FBXO4: variants seen among roughly 807,000 people sequenced by gnomAD.
The protein encoded by FBXO4 is F-box protein 4, also known as F-box only protein 4.
A neutral mutation model predicts 43.7 loss-of-function variants in FBXO4; 36 were observed. The observed-to-expected ratio is 0.82, with a 90% CI of 0.63 to 1.09. The LOEUF is 1.09. Among genes scored for constraint, FBXO4 ranks in the 50% least tolerant of loss-of-function variants. The probability of loss-of-function intolerance (pLI) is 0.00; values close to 1 mark genes in which losing one functional copy is unlikely to be tolerated. For synonymous variants in FBXO4, 180 were observed against 165.6 expected, an observed-to-expected ratio of 1.09 and a Z score of -0.67; for missense variants, 435 against 474.1, an observed-to-expected ratio of 0.92 and a Z score of 0.77.
At chr5:41,947,766 T>C in the FBXO4 span, among the ~76,000 whole-genome samples, 3 of 152,250 alleles carry the variant, frequency 2.0e-5, no homozygotes, top group African/African-American at 4.8e-5. Context: ...TAGTTTAAGG[T>C]ATTGGAGGAT....
the FBXO4 span, among the ~76,000 whole-genome samples, chr5:41,954,185 C>A: frequency 6.6e-6 from 1 of 151,248 alleles, no homozygotes; most frequent in African/African-American, 2.4e-5. Flanking sequence ...GGAAGAAATG[C>A]CTAAATTTAC....
At chr5:41,975,703 A>G in the FBXO4 span, among the ~76,000 whole-genome samples, 1 of 152,210 alleles carries the variant, frequency 6.6e-6, no homozygotes, top group East Asian at 1.9e-4. Context: ...AAAATTTAAC[A>G]TCTTAACCAT....
At chr5:41,954,381 G>A in the FBXO4 span, among the ~76,000 whole-genome samples, 3 of 152,152 alleles carry the variant, frequency 2.0e-5, no homozygotes, top group Non-Finnish European at 4.4e-5. Flanking sequence ...TATTAGGAAT[G>A]TTATGCAATT....
the FBXO4 span, among the ~76,000 whole-genome samples, chr5:42,026,843 T>G: frequency 2.6e-5 from 4 of 151,974 alleles, no homozygotes; most frequent in African/African-American, 9.7e-5. Flanking sequence ...ATATGATATA[T>G]TACACTGATT....
chr5:41,925,946 C>T (rs1404848000), intron 1 of FBXO4, among the ~76,000 whole-genome samples: 1 of 152,156 alleles, frequency 6.6e-6, no homozygotes, highest in Non-Finnish European at 1.5e-5. Flanking sequence ...TTTACCCTCT[C>T]AAGAGGACAT....
the FBXO4 span, among the ~76,000 whole-genome samples, chr5:42,005,866 C>T: frequency 6.6e-6 from 1 of 151,984 alleles, no homozygotes; most frequent in Non-Finnish European, 1.5e-5. Flanking sequence ...TTTTAGATTT[C>T]CTCTTTAAAA....
At chr5:41,997,008 A>G in the FBXO4 span, among the ~76,000 whole-genome samples, 1 of 152,244 alleles carries the variant, frequency 6.6e-6, no homozygotes, top group South Asian at 2.1e-4. Context: ...TTCTCTCTGA[A>G]TAAGATTATG....
At chr5:42,031,764 T>C in the FBXO4 span, among the ~76,000 whole-genome samples, 1 of 152,026 alleles carries the variant, frequency 6.6e-6, no homozygotes, top group Admixed American at 6.6e-5. Context: ...GTGTCTGGCA[T>C]TGAAGAGGTA....
chr5:41,932,087 C>T (rs1751702909), intron 3 of FBXO4, among the ~76,000 whole-genome samples: 1 of 152,120 alleles, frequency 6.6e-6, no homozygotes, highest in South Asian at 2.1e-4. Context: ...AGGAACACCT[C>T]AAGAAGAGGT....
At chr5:41,935,597 A>G (rs1751829118) in intron 5 of FBXO4, among the ~76,000 whole-genome samples, 1 of 152,240 alleles carries the variant, frequency 6.6e-6, no homozygotes, top group Admixed American at 6.5e-5. Context: ...GGAAATTTGC[A>G]GTGGAGACCT....
chr5:41,959,318 G>C, the FBXO4 span, among the ~76,000 whole-genome samples: 3 of 152,070 alleles, frequency 2.0e-5, no homozygotes, highest in African/African-American at 7.2e-5. Flanking sequence ...ATGGTGTTCA[G>C]ATATTTTCTC....
At chr5:42,018,152 A>T in the FBXO4 span, among the ~76,000 whole-genome samples, 13 of 148,778 alleles carry the variant, frequency 8.7e-5, no homozygotes, top group African/African-American at 1.5e-4. Flanking sequence ...TATATATATA[A>T]AATTATATAT....
In FBXO4 at chr5:41,934,639, T is replaced by C. The variant is rs115246773; in HGVS notation, c.898+331T>C. ...AAAGTTTGGTACTAGAGCTATACAA[T>C]ATTTTTTTGCTTTATGCTTCTGCAT... On this transcript the variant is annotated intron_variant, in intron 5 of 6. Transcript: ENST00000281623. 9.3e-4 allele frequency: 1,047 copies of C among 1,130,800 alleles called. 7 individuals carry two copies. In the African/African-American group the frequency reaches 0.016, roughly 17 times the overall value. 70.0% of individuals were successfully genotyped at this position (1,130,800 alleles called of 1,614,324 possible).
At chr5:41,959,970 A>G in the FBXO4 span, among the ~76,000 whole-genome samples, 9 of 151,934 alleles carry the variant, frequency 5.9e-5, no homozygotes, top group Admixed American at 2.0e-4. Flanking sequence ...TTTTAAAAAC[A>G]TTAATTCTTC....
chr5:41,961,581 C>T, the FBXO4 span, among the ~76,000 whole-genome samples: 8 of 152,192 alleles, frequency 5.3e-5, no homozygotes, highest in African/African-American at 1.9e-4. Context: ...CATGGGAGCA[C>T]AGGCTTATGC....
intron 5 of FBXO4, among the ~76,000 whole-genome samples, chr5:41,938,733 A>T (rs1369843430): frequency 1.3e-5 from 2 of 152,088 alleles, no homozygotes; most frequent in Admixed American, 1.3e-4. Context: ...GAGATCATTC[A>T]AGTTATTAGC....
At chr5:41,938,101 C>T (rs1561171824) in intron 5 of FBXO4, among the ~76,000 whole-genome samples, 1 of 151,970 alleles carries the variant, frequency 6.6e-6, no homozygotes, top group Non-Finnish European at 1.5e-5. Flanking sequence ...GATGAAGACT[C>T]CTGGGATGGA....
At chr5:41,967,683 C>T in the FBXO4 span, 3 of 658,398 alleles carry the variant, frequency 4.6e-6, no homozygotes, top group South Asian at 4.4e-5. Context: ...ATACGGAATA[C>T]TGGTCCAGAT....
At chr5:42,021,637 A>G in the FBXO4 span, among the ~76,000 whole-genome samples, 1 of 152,176 alleles carries the variant, frequency 6.6e-6, no homozygotes. Context: ...TATAGGTTAA[A>G]CATATCACTT....
Sources: gnomAD v4.1 joint callset for allele counts (sites outside exome capture counted in the v4.1 genomes callset) on GRCh38, gnomAD v4.1.1 for gene constraint, MANE v1.5 for transcripts, NCBI Gene and HGNC (gene_info 2026-07-23, HGNC 2026-07-21) for gene names.